The following CECR2 variants were observed in gnomAD, a reference collection of about 807,000 sequenced individuals.
CECR2 encodes chromatin remodeling regulator CECR2.
Under a neutral mutation model 154.5 loss-of-function variants are expected in CECR2, and 30 were observed. That is an observed-to-expected ratio of 0.19 (90% CI 0.15 to 0.26). The LOEUF (loss-of-function observed/expected upper bound fraction) is 0.26, where lower values mean the gene tolerates loss of function less well. Among genes scored for constraint, CECR2 ranks in the 10% least tolerant of loss-of-function variants. The pLI is 1.00. For missense variants in CECR2, 1,743 were observed against 1,829.3 expected (o/e 0.95, Z 0.86); for synonymous variants, 725 against 683.7 (o/e 1.06, Z -0.94).
At chr22:17,478,679 C>T (rs181782509) in intron 2 of CECR2, among the ~76,000 whole-genome samples, 37 of 152,124 alleles carry the variant, frequency 2.4e-4, no homozygotes, top group Non-Finnish European at 4.4e-4. Flanking sequence ...TTTGTTCTAA[C>T]GAATTCAGTC....
chr22:17,383,857 T>C (rs1223155801), intron 1 of CECR2, among the ~76,000 whole-genome samples: 1 of 151,894 alleles, frequency 6.6e-6, no homozygotes, highest in Non-Finnish European at 1.5e-5. Context: ...ATTTTTACTA[T>C]AGACAGGGTT....
At position 17,542,357 on chromosome 22, in the gene CECR2, T is replaced by C. The variant is rs41277560; in HGVS notation, c.2214T>C (p.His738=). 0.011 allele frequency: 17,627 copies of C among 1,613,674 alleles called. 115 individuals are homozygous for C. Among genetic ancestry groups the C allele is most frequent in the Non-Finnish European group, 0.013 (15,807 of 1,179,818 alleles). Residue 738 remains histidine, a synonymous_variant, in exon 16 of 19, where the codon CAT becomes CAC. Coordinates refer to ENST00000262608, the MANE Select transcript of CECR2 (RefSeq NM_001290047.2). ...AGCCAGGATTCATTCCTCCCCGGCA[T>C]GGGGGGGCTCCAGCCCGGCCACCAG... The part of the protein sequence containing the change: ...QFQPGFIPPR[H]GGAPARPPDF...
chr22:17,381,205 T>G (rs1157589526), intron 1 of CECR2, among the ~76,000 whole-genome samples: 2 of 152,220 alleles, frequency 1.3e-5, no homozygotes, highest in African/African-American at 4.8e-5. Flanking sequence ...TGATTTGGGT[T>G]AGTATCCACA....
intron 1 of CECR2, among the ~76,000 whole-genome samples, chr22:17,450,075 A>C (rs1227994986): frequency 6.6e-6 from 1 of 152,214 alleles, no homozygotes; most frequent in Admixed American, 6.5e-5. Context: ...TTCTGGGTTT[A>C]AGGAATGAGA....
In CECR2 at chr22:17,542,314, A is replaced by G; in HGVS notation, c.2171A>G (p.Tyr724Cys). ...GGCCCAAGTCAGGATGGAAGCATGTATGCTCCAGCTCAGTTCCAGCCAGGA... is the reference window on the plus strand; with the variant it reads ...GGCCCAAGTCAGGATGGAAGCATGTGTGCTCCAGCTCAGTTCCAGCCAGGA... ...ISGPSQDGSM[Y>C]APAQFQPGFI... Residue 724 changes from tyrosine to cysteine, a missense_variant, in exon 16 of 19, where the codon TAT becomes TGT. This residue lies in a region of CECR2 where 1,250 missense variants were observed against 1,192.1 expected (regional missense o/e 1.05). Coordinates refer to ENST00000262608, the MANE Select transcript of CECR2 (RefSeq NM_001290047.2). 2.5e-6 allele frequency: 4 copies of G among 1,612,896 alleles called. No individual in the cohort carries two copies. The highest frequency in any genetic ancestry group is 3.4e-6 in the Non-Finnish European group (4 of 1,179,444).
intron 1 of CECR2, among the ~76,000 whole-genome samples, chr22:17,371,791 T>C (rs1034123441): frequency 2.0e-5 from 3 of 152,226 alleles, no homozygotes; most frequent in African/African-American, 7.2e-5. Context: ...GGAAAAACTT[T>C]ATGTCTCAAA....
chr22:17,511,792 C>G, intron 7 of CECR2, 21 bp from the exon 8 acceptor site: 1 of 1,599,274 alleles, frequency 6.3e-7, no homozygotes, highest in South Asian at 1.1e-5. Context: ...TTTCCTTTCT[C>G]TTCTTCACTT....
At chr22:17,480,629 CA>C (rs1267206170) in intron 2 of CECR2, among the ~76,000 whole-genome samples, 26 of 152,270 alleles carry the variant, frequency 1.7e-4, no homozygotes, top group African/African-American at 6.3e-4. Context: ...TGTGAATGTA[CA>C]CTCGTTCTTG....
chr22:17,550,398 A>G (rs1274440937), intron 17 of CECR2: 1 of 141,380 alleles, frequency 7.1e-6, no homozygotes, highest in East Asian at 2.2e-4. Context: ...ATGTGGAGAC[A>G]CTCTGACCAA....
rs35957666 is a variant in CECR2 at position 17,552,900 on chromosome 22, G to A, written c.*60G>A. The A allele has an allele frequency of 6.5e-7, 1 of 1,541,408 alleles. No homozygotes were observed. Among genetic ancestry groups the A allele is most frequent in the Non-Finnish European group, 8.7e-7 (1 of 1,143,428 alleles). On this transcript the variant is annotated 3_prime_UTR_variant, in exon 19 of 19. Transcript: ENST00000262608. ...CTGCACACGAAGACTGGAATGTGGA[G>A]AACTGGGGAGTGCCCTGTCAGCTCT...
At chr22:17,532,474 T>C (rs934913246) in intron 9 of CECR2, among the ~76,000 whole-genome samples, 2 of 152,076 alleles carry the variant, frequency 1.3e-5, no homozygotes, top group African/African-American at 2.4e-5. Context: ...GACCTTCTAC[T>C]TGATGGGGAA....
Position 17,540,629 on chromosome 22 carries a change from G to A in CECR2, c.1713G>A (p.Glu571=). The change falls in exon 14 of 19, where the codon GAG becomes GAA. Residue 571 remains glutamate (E), a synonymous_variant. Coordinates refer to ENST00000262608, the MANE Select transcript of CECR2 (RefSeq NM_001290047.2). ...EGSSRKQQPM[E]NGGKSLPPTR... is the part of the protein sequence containing the mutation. Reference sequence around the variant, plus strand: ...CCAGCAGGAAACAGCAGCCCATGGAGAATGGAGGAAAGTCGTTGCCCCCCA... The same window carrying A: ...CCAGCAGGAAACAGCAGCCCATGGAAAATGGAGGAAAGTCGTTGCCCCCCA... 2 of 1,613,884 alleles carry A rather than the reference G, an allele frequency of 1.2e-6. No homozygotes were observed. The highest frequency in any genetic ancestry group is 8.5e-7 in the Non-Finnish European group (1 of 1,179,848).
intron 1 of CECR2, among the ~76,000 whole-genome samples, chr22:17,396,525 G>A (rs1250852093): frequency 1.3e-5 from 2 of 152,086 alleles, no homozygotes; most frequent in Non-Finnish European, 2.9e-5. Flanking sequence ...CCAGCCTGGC[G>A]ACAGAGCGAG....
chr22:17,399,376 G>A (rs1263732064), intron 1 of CECR2, among the ~76,000 whole-genome samples: 2 of 150,500 alleles, frequency 1.3e-5, no homozygotes, highest in African/African-American at 4.9e-5. Flanking sequence ...TTTGAAGGGT[G>A]CTTAGGGTTT....
Position 17,447,033 on chromosome 22 carries a change from C to CTGTTTTTTT in CECR2, c.127-30554_127-30553insGTTTTTTTT, listed in dbSNP as rs1339121774. On this transcript the variant is annotated intron_variant, in intron 1 of 18. Transcript: ENST00000262608. ...GAGTGCTGAGTGGTGCGTTTACAAT[C>CTGTTTTTTT]TTTTTTTTTTTTTTTTTTTGAGACA... Among the ~76,000 whole-genome samples the CTGTTTTTTT allele has an allele frequency of 6.5e-3, 745 of 114,014 alleles. 122 individuals are homozygous for CTGTTTTTTT. In the East Asian group the frequency reaches 0.11, roughly 16 times the overall value. The allele number at this position is 114,014 out of a possible 152,430, so 74.8% of individuals were successfully genotyped here. A position where few individuals can be genotyped will look rare whatever the true frequency, so the allele number is the denominator to read the frequency against.
chr22:17,519,596 C>T (rs1444226940), intron 8 of CECR2, among the ~76,000 whole-genome samples: 3 of 151,838 alleles, frequency 2.0e-5, no homozygotes, highest in Non-Finnish European at 4.4e-5. Context: ...GTTTTGTGTT[C>T]GTGTTCCATT....
intron 1 of CECR2, among the ~76,000 whole-genome samples, chr22:17,448,687 G>C (rs767106783): frequency 6.6e-6 from 1 of 152,080 alleles, no homozygotes; most frequent in Non-Finnish European, 1.5e-5. Context: ...CCTTTGTCCA[G>C]CTTAAGTCTA....
At chr22:17,512,707 GA>G (rs774207282) in intron 8 of CECR2, among the ~76,000 whole-genome samples, 108,562 of 122,428 alleles carry the variant, frequency 0.89, 47,537 homozygotes, top group East Asian at 0.98. Context: ...CTCTGTCTCA[GA>G]AAAAAAAAAA....
At position 17,548,129 on chromosome 22, in the gene CECR2, T is replaced by C. The variant is rs1189275936; in HGVS notation, c.2861-19T>C. ...AGCTACTGAGTTATTTTTTCTCCTC[T>C]TTTTTTTTTTTTTTGCAGCAGAGCC... On this transcript the variant is annotated intron_variant, in intron 16 of 18. Coordinates refer to ENST00000262608, the MANE Select transcript of CECR2 (RefSeq NM_001290047.2). 1 of 63,042 alleles carries C rather than the reference T, an allele frequency of 1.6e-5. No homozygotes were observed. Among genetic ancestry groups the C allele is most frequent in the South Asian group, 3.2e-4 (1 of 3,078 alleles). The allele number at this position is 63,042 out of a possible 1,614,324, so 3.9% of individuals were successfully genotyped here. A position where few individuals can be genotyped will look rare whatever the true frequency, so the allele number is the denominator to read the frequency against.
Sources: allele counts gnomAD v4.1 joint callset (sites outside exome capture counted in the v4.1 genomes callset), GRCh38; gene constraint gnomAD v4.1.1; regional missense constraint gnomAD v4.1.1; transcripts MANE v1.5; gene names NCBI Gene and HGNC (gene_info 2026-07-23, HGNC 2026-07-21).